RASA1: variants seen among roughly 807,000 people sequenced by gnomAD.
RASA1 encodes RAS p21 protein activator 1, also known as ras GTPase-activating protein 1.
Under a neutral mutation model 132.2 loss-of-function variants are expected in RASA1, and 25 were observed. The ratio of observed to expected loss-of-function variants is 0.19; its 90% CI spans 0.14 to 0.26. RASA1 has a LOEUF of 0.26. Among genes scored for constraint, RASA1 ranks in the 10% least tolerant of loss-of-function variants. The pLI is 1.00. For missense variants in RASA1, 964 were observed against 1,299.2 expected, an observed-to-expected ratio of 0.74 and a Z score of 3.97; for synonymous variants, 477 against 449.9, an observed-to-expected ratio of 1.06 and a Z score of -0.76.
At chr5:87,283,663 A>C (rs1375887665) in intron 1 of RASA1, among the ~76,000 whole-genome samples, 1 of 152,108 alleles carries the variant, frequency 6.6e-6, no homozygotes, top group Non-Finnish European at 1.5e-5. Context: ...ATATGAGAAC[A>C]TTGAGATGTG....
intron 5 of RASA1, among the ~76,000 whole-genome samples, chr5:87,338,544 T>TTTTTC (rs1561292600): frequency 7.3e-6 from 1 of 137,926 alleles, no homozygotes; most frequent in African/African-American, 2.6e-5. Context: ...AAATTTTTTT[T>TTTTTC]TTTTTTAAGT....
chr5:87,273,168 A>G (rs1354723651), intron 1 of RASA1, among the ~76,000 whole-genome samples: 1 of 152,188 alleles, frequency 6.6e-6, no homozygotes, highest in Non-Finnish European at 1.5e-5. Flanking sequence ...AACACTATTA[A>G]TTAGTATTTT....
chr5:87,302,752 T>C (rs1054275125), intron 1 of RASA1, among the ~76,000 whole-genome samples: 3 of 151,404 alleles, frequency 2.0e-5, no homozygotes, highest in African/African-American at 7.3e-5. Context: ...GCTTTCTGCC[T>C]AATACGCACA....
At chr5:87,385,089 A>AT (rs1761977294) in intron 21 of RASA1, among the ~76,000 whole-genome samples, 2 of 152,142 alleles carry the variant, frequency 1.3e-5, no homozygotes, top group African/African-American at 4.8e-5. Flanking sequence ...ACTGATAAGC[A>AT]TATTCACTTT....
At chr5:87,385,415 T>C in intron 22 of RASA1, 26 bp downstream of exon 22, 1 of 1,510,072 alleles carries the variant, frequency 6.6e-7, no homozygotes, top group Non-Finnish European at 9.2e-7. Context: ...TACTTTAAAA[T>C]GTAATTTATG....
intron 9 of RASA1, among the ~76,000 whole-genome samples, chr5:87,354,369 A>C (rs1025029184): frequency 1.3e-5 from 2 of 152,088 alleles, no homozygotes; most frequent in East Asian, 3.8e-4. Flanking sequence ...CATTTTGGTA[A>C]TTCTTAAAAT....
chr5:87,383,859 C>CTT (rs370865130), intron 21 of RASA1, 79 bp downstream of exon 21: 549 of 896,174 alleles, frequency 6.1e-4, no homozygotes, highest in South Asian at 1.5e-3. Context: ...ACTCTTAAAT[C>CTT]TTTTTTTTTT....
chr5:87,360,126 T>G (rs1216452760), intron 9 of RASA1, among the ~76,000 whole-genome samples: 3 of 142,206 alleles, frequency 2.1e-5, no homozygotes, highest in African/African-American at 8.8e-5. Flanking sequence ...AAAATGCAGT[T>G]TTTTTTTTTT....
chr5:87,290,107 A>T (rs1007142850), intron 1 of RASA1, among the ~76,000 whole-genome samples: 2 of 152,216 alleles, frequency 1.3e-5, no homozygotes, highest in Non-Finnish European at 2.9e-5. Flanking sequence ...TTAGCAAGTT[A>T]TATAGCTTGT....
chr5:87,345,333 C>A (rs1449398281), intron 6 of RASA1, among the ~76,000 whole-genome samples: 1 of 152,124 alleles, frequency 6.6e-6, no homozygotes, highest in Non-Finnish European at 1.5e-5. Flanking sequence ...CATCTGTAAA[C>A]CCTATCACTT....
At chr5:87,360,283 C>T (rs925038237) in intron 9 of RASA1, among the ~76,000 whole-genome samples, 4 of 152,196 alleles carry the variant, frequency 2.6e-5, no homozygotes, top group East Asian at 1.9e-4. Flanking sequence ...CGCGCCACCA[C>T]GCCCAGCTAA....
chr5:87,349,623 A>G (rs1367058558), intron 8 of RASA1, among the ~76,000 whole-genome samples: 2 of 151,992 alleles, frequency 1.3e-5, no homozygotes, highest in Non-Finnish European at 2.9e-5. Context: ...GTTTGCAACA[A>G]ATTTACTAAA....
chr5:87,383,637 A>G, intron 20 of RASA1, 76 bp from the exon 21 acceptor site: 1 of 1,119,804 alleles, frequency 8.9e-7, no homozygotes, highest in African/African-American at 1.6e-5. Flanking sequence ...AATTCTGTTT[A>G]TATATATTGT....
chr5:87,380,861 T>C (rs1761664189), intron 20 of RASA1, among the ~76,000 whole-genome samples: 1 of 152,194 alleles, frequency 6.6e-6, no homozygotes, highest in African/African-American at 2.4e-5. Flanking sequence ...CTAAAAGTTA[T>C]ATAACAAAAT....
chr5:87,291,993 G>T (rs1754929090), intron 1 of RASA1, among the ~76,000 whole-genome samples: 1 of 152,120 alleles, frequency 6.6e-6, no homozygotes. Context: ...TGTCTGTTCA[G>T]GTCTTTTGCC....
intron 1 of RASA1, among the ~76,000 whole-genome samples, chr5:87,313,288 T>A (rs544142381): frequency 6.6e-6 from 1 of 152,186 alleles, no homozygotes; most frequent in Non-Finnish European, 1.5e-5. Context: ...ATTTTGGCTC[T>A]CCCTGGAGGT....
chr5:87,268,131 C>T lies in RASA1; in HGVS notation c.-321C>T. On this transcript the variant is annotated 5_prime_UTR_variant, in exon 1 of 25. Coordinates refer to ENST00000274376, the MANE Select transcript of RASA1 (RefSeq NM_002890.3). ...CCTCTTTCCCTGTGCTTCCTTTCCTCTTTAGTGCAGCGAGGAAGTTTTCGC... is the reference window on the plus strand; with the variant it reads ...CCTCTTTCCCTGTGCTTCCTTTCCTTTTTAGTGCAGCGAGGAAGTTTTCGC... The T allele has an allele frequency of 2.3e-6, 1 of 431,000 alleles. No individual in the cohort carries two copies. Among genetic ancestry groups the T allele is most frequent in the Non-Finnish European group, 4.1e-6 (1 of 244,528 alleles). 26.7% of individuals were successfully genotyped at this position (431,000 alleles called of 1,614,324 possible). A position where few individuals can be genotyped will look rare whatever the true frequency, so the allele number is the denominator to read the frequency against.
At chr5:87,300,915 T>C (rs1476032889) in intron 1 of RASA1, among the ~76,000 whole-genome samples, 1 of 152,214 alleles carries the variant, frequency 6.6e-6, no homozygotes, top group Non-Finnish European at 1.5e-5. Flanking sequence ...TTAGTGGGCA[T>C]GAGGCATTAG....
chr5:87,300,436 G>C (rs531296100), intron 1 of RASA1, among the ~76,000 whole-genome samples: 1 of 152,142 alleles, frequency 6.6e-6, no homozygotes, highest in East Asian at 1.9e-4. Flanking sequence ...AGGCTGAGGT[G>C]GGAGAACTGC....
Sources: allele counts gnomAD v4.1 joint callset (sites outside exome capture counted in the v4.1 genomes callset), GRCh38; gene constraint gnomAD v4.1.1; transcripts MANE v1.5; gene names NCBI Gene and HGNC (gene_info 2026-07-23, HGNC 2026-07-21).